GLIS3: variants seen among roughly 807,000 people sequenced by gnomAD.
The protein encoded by GLIS3 is GLIS family zinc finger 3, also known as zinc finger protein GLIS3.
In GLIS3, 53 loss-of-function variants were observed where a neutral mutation model predicts 78.6. The observed-to-expected ratio is 0.67, with a 90% confidence interval of 0.54 to 0.85. GLIS3 has a LOEUF of 0.85. Ranked by LOEUF, GLIS3 falls within the 40% of genes least tolerant of loss-of-function variation. The pLI is 0.00. For missense variants in GLIS3, 1,703 were observed against 1,231.1 expected, an observed-to-expected ratio of 1.38 and a Z score of -5.74; for synonymous variants, 684 against 509.9, an observed-to-expected ratio of 1.34 and a Z score of -4.60.
the GLIS3 span, among the ~76,000 whole-genome samples, chr9:4,419,275 A>G: frequency 6.6e-6 from 1 of 152,196 alleles, no homozygotes; most frequent in African/African-American, 2.4e-5. Context: ...CACGAGCCAC[A>G]GTGTACCAGT....
the GLIS3 span, among the ~76,000 whole-genome samples, chr9:4,409,090 C>G: frequency 3.3e-5 from 5 of 152,082 alleles, no homozygotes; most frequent in Admixed American, 6.6e-5. Flanking sequence ...ATTTCTGTAA[C>G]TCATAAACCA....
chr9:4,158,916 T>A (rs992025584), intron 2 of GLIS3, among the ~76,000 whole-genome samples: 1 of 148,956 alleles, frequency 6.7e-6, no homozygotes, highest in Non-Finnish European at 1.5e-5. Context: ...GGGATGCAAA[T>A]AGTGAGAAGA....
the GLIS3 span, among the ~76,000 whole-genome samples, chr9:4,425,397 C>A: frequency 1.3e-5 from 2 of 152,218 alleles, no homozygotes; most frequent in South Asian, 2.1e-4. Context: ...TGCCTGGAGA[C>A]CCTGTTTTCA....
chr9:4,357,828 G>A, the GLIS3 span, among the ~76,000 whole-genome samples: 1 of 152,256 alleles, frequency 6.6e-6, no homozygotes, highest in East Asian at 1.9e-4. Context: ...AGTGTCAGGA[G>A]GCACCATTCC....
intron 4 of GLIS3, among the ~76,000 whole-genome samples, chr9:4,094,953 T>C (rs936462326): frequency 6.6e-6 from 1 of 152,222 alleles, no homozygotes; most frequent in Non-Finnish European, 1.5e-5. Context: ...GATGTTTCAA[T>C]ACATGTAATA....
chr9:4,357,439 A>G, the GLIS3 span, among the ~76,000 whole-genome samples: 37 of 152,236 alleles, frequency 2.4e-4, no homozygotes, highest in South Asian at 7.1e-3. Flanking sequence ...ATTTTACACT[A>G]TCGCTCTCCT....
chr9:4,341,614 A>C (rs925601827), intron 2 of GLIS3, among the ~76,000 whole-genome samples: 1 of 152,166 alleles, frequency 6.6e-6, no homozygotes, highest in Admixed American at 6.5e-5. Flanking sequence ...CATCCAATCC[A>C]AGCTCATCCC....
At chr9:4,196,628 C>G (rs995280379) in intron 2 of GLIS3, among the ~76,000 whole-genome samples, 2 of 152,138 alleles carry the variant, frequency 1.3e-5, no homozygotes, top group Admixed American at 1.3e-4. Flanking sequence ...AGCTTCACTC[C>G]TGAAGCCAGT....
chr9:4,020,247 G>C (rs1822771331), intron 4 of GLIS3, among the ~76,000 whole-genome samples: 1 of 152,170 alleles, frequency 6.6e-6, no homozygotes, highest in Admixed American at 6.5e-5. Flanking sequence ...CTTGTGGTAG[G>C]AATGGCTGTA....
In GLIS3 at chr9:3,941,673, GA is replaced by G. The variant is rs931667681; in HGVS notation, c.1711-4485del. Among the ~76,000 whole-genome samples the G allele has an allele frequency of 8.5e-5, 13 of 152,262 alleles. No homozygotes were observed. The East Asian group carries it at 2.5e-3, about 29-fold the overall frequency. On this transcript the variant is annotated intron_variant, in intron 4 of 10. Transcript: ENST00000381971. ...GCGGACACATATGGGAAAAGGGCAT[GA>G]AACTGTAAGTGATAGAACTTACACT...
At chr9:4,295,150 A>C (rs544937277) in intron 1 of GLIS3, among the ~76,000 whole-genome samples, 29 of 152,288 alleles carry the variant, frequency 1.9e-4, no homozygotes, top group African/African-American at 7.0e-4. Flanking sequence ...AAAGTTGCAA[A>C]TGAACAGTTC....
chr9:4,329,951 ATC>A (rs1429166006), intron 2 of GLIS3, among the ~76,000 whole-genome samples: 1 of 151,912 alleles, frequency 6.6e-6, no homozygotes, highest in African/African-American at 2.4e-5. Flanking sequence ...ATTTTAGTGT[ATC>A]AATTAATTTC....
At chr9:4,208,096 TAACCAGGCCTGCA>T (rs1339604741) in intron 2 of GLIS3, among the ~76,000 whole-genome samples, 1 of 152,224 alleles carries the variant, frequency 6.6e-6, no homozygotes, top group East Asian at 1.9e-4. Context: ...AGAGCAGGCC[TAACCAGGCCTGCA>T]GTTTTCATTT....
the GLIS3 span, among the ~76,000 whole-genome samples, chr9:4,465,528 G>A: frequency 2.6e-5 from 4 of 152,174 alleles, no homozygotes; most frequent in East Asian, 1.9e-4. Context: ...CGGCCTGGGC[G>A]ACAGAGTGAG....
intron 4 of GLIS3, among the ~76,000 whole-genome samples, chr9:4,066,237 T>G (rs1373044733): frequency 6.6e-6 from 1 of 152,158 alleles, no homozygotes; most frequent in Non-Finnish European, 1.5e-5. Context: ...CGAAAGAGAC[T>G]CCAGCAGATC....
In GLIS3 at chr9:3,824,934, AATAAT is replaced by A; in HGVS notation, c.*3333_*3337del. ...TTCATCTGTTGCAAAAAAAAAAAAA[AATAAT>A]AACCGCAGAAATTCCACACCACTAA... On this transcript the variant is annotated 3_prime_UTR_variant, in exon 11 of 11. Coordinates refer to ENST00000381971, the MANE Select transcript of GLIS3 (RefSeq NM_001042413.2). 8.1e-6 allele frequency: 1 copy of A among 124,098 alleles called. No individual in the cohort carries two copies. Among genetic ancestry groups the A allele is most frequent in the East Asian group, 2.2e-4 (1 of 4,628 alleles). 7.7% of individuals were successfully genotyped at this position (124,098 alleles called of 1,614,324 possible).
At position 3,860,607 on chromosome 9, in the gene GLIS3, G is replaced by C. The variant is rs1588105888; in HGVS notation, c.2298-4423C>G. On this transcript the variant is annotated intron_variant, in intron 8 of 10. Coordinates refer to ENST00000381971, the MANE Select transcript of GLIS3 (RefSeq NM_001042413.2). Reference sequence around the variant, plus strand: ...TGTGCAGAAAAAGTGGGAATGGCAGGAGAAGCAGATGGGCAAAGGAGAAGA... The same window carrying C: ...TGTGCAGAAAAAGTGGGAATGGCAGCAGAAGCAGATGGGCAAAGGAGAAGA... 5.9e-5 allele frequency among the ~76,000 whole-genome samples: 9 copies of C among 152,298 alleles called. 1 individual carries two copies. The South Asian group carries it at 1.9e-3, about 32-fold the overall frequency.
chr9:4,315,654 G>C lies in GLIS3; in HGVS notation n.265-5126C>G, dbSNP rs904269613. On this transcript the variant is annotated intron_variant and non_coding_transcript_variant, in intron 2 of 4. Coordinates refer to the GLIS3 transcript ENST00000471664. ...TCACTTTGTGTGGCTACATTCTCAT[G>C]AACTTTCCTGCAAAACACAGTGGGG... 6.6e-5 allele frequency among the ~76,000 whole-genome samples: 10 copies of C among 152,224 alleles called. No homozygotes were observed. The East Asian group carries it at 1.9e-3, about 29-fold the overall frequency.
At chr9:4,018,552 T>C (rs1822618922) in intron 4 of GLIS3, among the ~76,000 whole-genome samples, 1 of 152,172 alleles carries the variant, frequency 6.6e-6, no homozygotes, top group Non-Finnish European at 1.5e-5. Flanking sequence ...TTCTTGGCTA[T>C]CACTGGGATC....
Sources: allele counts gnomAD v4.1 joint callset (sites outside exome capture counted in the v4.1 genomes callset), GRCh38; gene constraint gnomAD v4.1.1; transcripts MANE v1.5; gene names NCBI Gene and HGNC (gene_info 2026-07-23, HGNC 2026-07-21).